C1orf74: variants seen among roughly 807,000 people sequenced by gnomAD.
C1orf74 encodes the protein chromosome 1 open reading frame 74.
Under a neutral mutation model 7.3 loss-of-function variants are expected in C1orf74, and 5 were observed. That is an observed-to-expected ratio of 0.68 (90% CI 0.36 to 1.44). The LOEUF is 1.44. Among genes scored for constraint, C1orf74 ranks in the 40% most tolerant of loss-of-function variants. The pLI is 0.04. For synonymous variants in C1orf74, 121 were observed against 132.5 expected, an observed-to-expected ratio of 0.91 and a Z score of 0.59; for missense variants, 291 against 314.3, an observed-to-expected ratio of 0.93 and a Z score of 0.56.
At chr1:209,784,278 T>G (rs1363665548) in intron 1 of C1orf74, 100 bp downstream of exon 1, 1 of 152,302 alleles carries the variant, frequency 6.6e-6, no homozygotes, top group Admixed American at 6.5e-5. Context: ...CTGTCCGACA[T>G]CAAGGACCCT....
At position 209,782,234 on chromosome 1, in the gene C1orf74, G is replaced by T. The variant is rs551776018; in HGVS notation, c.*591C>A. On this transcript the variant is annotated 3_prime_UTR_variant, in exon 2 of 2. Transcript: ENST00000294811. ...GAAGGTTTGGGTACATTACAGCTTG[G>T]GTTTTCCAACTGACTTAGGATTTCT... 1 of 1,072,010 alleles carries T rather than the reference G, an allele frequency of 9.3e-7. No homozygotes were observed. Among genetic ancestry groups the T allele is most frequent in the African/African-American group, 1.6e-5 (1 of 64,362 alleles). 66.4% of individuals were successfully genotyped at this position (1,072,010 alleles called of 1,614,324 possible).
intron 1 of C1orf74, among the ~76,000 whole-genome samples, chr1:209,783,935 T>C (rs559949478): frequency 1.2e-4 from 19 of 152,250 alleles, no homozygotes; most frequent in South Asian, 1.0e-3. Flanking sequence ...TGGCTTTTAT[T>C]CTAAATTTCA....
Position 209,783,445 on chromosome 1 carries a change from A to C in C1orf74, c.190T>G (p.Ser64Ala). Residue 64 changes from serine to alanine, a missense_variant, in exon 2 of 2, where the codon TCA (serine) becomes GCA (alanine). By Grantham distance (99) the Ser-to-Ala change is moderately conservative. Coordinates refer to ENST00000294811, the MANE Select transcript of C1orf74 (RefSeq NM_152485.4). ...TCCTCCAGATAGCTCTGGAGCTCTG[A>C]TGCCCCTGCACAGTTGCAATCATAG... ...VLYDCNCAGA[S>A]ELQSYLEELK... 6.2e-7 allele frequency: 1 copy of C among 1,614,094 alleles called. No homozygotes were observed. Among genetic ancestry groups the C allele is most frequent in the Non-Finnish European group, 8.5e-7 (1 of 1,180,006 alleles).
Position 209,781,544 on chromosome 1 carries a change from C to A in C1orf74, c.*1281G>T. On this transcript the variant is annotated 3_prime_UTR_variant, in exon 2 of 2. Transcript: ENST00000294811. ...AGTTTTGCACATAAAATATATCAGC[C>A]CACGCCAACAACTGGCCATCCTGTC... 1.0e-6 allele frequency: 1 copy of A among 958,452 alleles called. No homozygotes were observed. Among genetic ancestry groups the A allele is most frequent in the East Asian group, 2.5e-5 (1 of 39,832 alleles). 59.4% of individuals were successfully genotyped at this position (958,452 alleles called of 1,614,324 possible). A position where few individuals can be genotyped will look rare whatever the true frequency, so the allele number is the denominator to read the frequency against.
At position 209,781,223 on chromosome 1, in the gene C1orf74, C is replaced by T; in HGVS notation, c.*1602G>A. Reference sequence around the variant, plus strand: ...GACAAACTCAAATCCCTGAGAATGGCTGGGAAGGGAAGATGGTGGTAAAAA... The same window carrying T: ...GACAAACTCAAATCCCTGAGAATGGTTGGGAAGGGAAGATGGTGGTAAAAA... On this transcript the variant is annotated 3_prime_UTR_variant, in exon 2 of 2. Coordinates refer to ENST00000294811, the MANE Select transcript of C1orf74 (RefSeq NM_152485.4). 1.6e-6 allele frequency: 1 copy of T among 609,114 alleles called. No individual in the cohort carries two copies. The highest frequency in any genetic ancestry group is 3.0e-6 in the Non-Finnish European group (1 of 332,774). The allele number at this position is 609,114 out of a possible 1,614,324, so 37.7% of individuals were successfully genotyped here.
chr1:209,782,118 C>T lies in C1orf74; in HGVS notation c.*707G>A, dbSNP rs544376202. ...TGATTGCTGCAGCACTGGCAGTGTT[C>T]CTGGCCAATAAAGACAACCTGATGA... On this transcript the variant is annotated 3_prime_UTR_variant, in exon 2 of 2. Transcript: ENST00000294811. 6.2e-7 allele frequency: 1 copy of T among 1,614,124 alleles called. No homozygotes were observed. The highest frequency in any genetic ancestry group is 2.2e-5 in the East Asian group (1 of 44,884).
rs1160562568 is a variant in C1orf74, at chr1:209,781,837, T to A, written c.*988A>T. 3.5e-6 allele frequency: 2 copies of A among 567,058 alleles called. No homozygotes were observed. The highest frequency in any genetic ancestry group is 6.3e-6 in the Non-Finnish European group (2 of 316,866). The allele number at this position is 567,058 out of a possible 1,614,324, so 35.1% of individuals were successfully genotyped here. On this transcript the variant is annotated 3_prime_UTR_variant, in exon 2 of 2. Transcript: ENST00000294811. ...CATTATTCATATCAGTATTTATATATCTGGTCCCTGATGGATACGGCTCCC... is the reference window on the plus strand; with the variant it reads ...CATTATTCATATCAGTATTTATATAACTGGTCCCTGATGGATACGGCTCCC...
In C1orf74 at chr1:209,782,526, T is replaced by C. The variant is rs2077802022; in HGVS notation, c.*299A>G. 5 of 487,262 alleles carry C rather than the reference T, an allele frequency of 1.0e-5. No individual in the cohort carries two copies. The highest frequency in any genetic ancestry group is 1.9e-5 in the African/African-American group (1 of 51,690). 30.2% of individuals were successfully genotyped at this position (487,262 alleles called of 1,614,324 possible). A position where few individuals can be genotyped will look rare whatever the true frequency, so the allele number is the denominator to read the frequency against. On this transcript the variant is annotated 3_prime_UTR_variant, in exon 2 of 2. Coordinates refer to ENST00000294811, the MANE Select transcript of C1orf74 (RefSeq NM_152485.4). ...GCAAGAGTGTTTGGCTTGTCTTCCA[T>C]CACCCTGCTTTTCCTCTATCATCTC...
Position 209,780,757 on chromosome 1 carries a change from C to G in C1orf74, c.*2068G>C. ...TACATAAAGTGTCTGTGCTTTTGGG[C>G]TGACTTGTCAATCTTTTCCCTTCCT... On this transcript the variant is annotated 3_prime_UTR_variant, in exon 2 of 2. Transcript: ENST00000294811. 6.3e-6 allele frequency: 4 copies of G among 631,952 alleles called. No individual in the cohort carries two copies. Among genetic ancestry groups the G allele is most frequent in the Non-Finnish European group, 9.2e-6 (4 of 435,738 alleles). The allele number at this position is 631,952 out of a possible 1,614,324, so 39.1% of individuals were successfully genotyped here. A position where few individuals can be genotyped will look rare whatever the true frequency, so the allele number is the denominator to read the frequency against.
Position 209,781,758 on chromosome 1 carries a change from G to A in C1orf74, c.*1067C>T, listed in dbSNP as rs1243898119. The A allele has an allele frequency of 2.0e-6, 1 of 490,022 alleles. No individual in the cohort carries two copies. Among genetic ancestry groups the A allele is most frequent in the Non-Finnish European group, 3.7e-6 (1 of 272,880 alleles). The allele number at this position is 490,022 out of a possible 1,614,324, so 30.4% of individuals were successfully genotyped here. ...GTGGCAAGAACAGAAGGACACAAAA[G>A]TACTGGGGAATACAAAGAAAGAATA... On this transcript the variant is annotated 3_prime_UTR_variant, in exon 2 of 2. Coordinates refer to ENST00000294811, the MANE Select transcript of C1orf74 (RefSeq NM_152485.4).
chr1:209,780,584 A>G lies in C1orf74; in HGVS notation c.*2241T>C. 6.3e-7 allele frequency: 1 copy of G among 1,594,062 alleles called. No individual in the cohort carries two copies. Among genetic ancestry groups the G allele is most frequent in the Non-Finnish European group, 8.6e-7 (1 of 1,168,516 alleles). ...GACCAGCTGCAAAAGAAGACTTTGC[A>G]GCTCCAGGCCAAGGAAAAGGAGGTG... is the stretch of plus-strand genomic sequence containing the variant. On this transcript the variant is annotated 3_prime_UTR_variant, in exon 2 of 2. Coordinates refer to ENST00000294811, the MANE Select transcript of C1orf74 (RefSeq NM_152485.4).
In C1orf74 at chr1:209,783,268, G is replaced by T; in HGVS notation, c.367C>A (p.His123Asn). ...TGGTCCAGGGAGCAGACAGAAGGGTGACGCTGGCAGCTGGAAACATCCACA... is the reference window on the plus strand; with the variant it reads ...TGGTCCAGGGAGCAGACAGAAGGGTTACGCTGGCAGCTGGAAACATCCACA... ...AFVDVSSCQR[H>N]PSVCSLDQLQ... The change falls in exon 2 of 2, where the codon CAC becomes AAC. Residue 123 changes from histidine (H) to asparagine (N), a missense_variant. His to Asn is a moderately conservative substitution (Grantham distance 68, BLOSUM62 1). Transcript: ENST00000294811. 1 of 1,614,226 alleles carries T rather than the reference G, an allele frequency of 6.2e-7. No homozygotes were observed. The highest frequency in any genetic ancestry group is 8.5e-7 in the Non-Finnish European group (1 of 1,180,044).
chr1:209,780,627 A>G lies in C1orf74; in HGVS notation c.*2198T>C. 1.3e-6 allele frequency: 2 copies of G among 1,528,308 alleles called. No homozygotes were observed. The highest frequency in any genetic ancestry group is 1.2e-5 in the South Asian group (1 of 81,374). 94.7% of individuals were successfully genotyped at this position (1,528,308 alleles called of 1,614,324 possible). Reference sequence around the variant, plus strand: ...AGGAGGTGAGAGGGTGACCTGAGATAGTGAGGGCTCATTTGCGAAATAGCA... The same window carrying G: ...AGGAGGTGAGAGGGTGACCTGAGATGGTGAGGGCTCATTTGCGAAATAGCA... On this transcript the variant is annotated 3_prime_UTR_variant, in exon 2 of 2. Transcript: ENST00000294811.
Position 209,779,580 on chromosome 1 carries a change from T to C in C1orf74, c.*3245A>G. ...GCCTTCTATCTTGAGGTATATAAAC[T>C]GTGAAAAAGGGTTTCTATTCTCTCT... is the stretch of plus-strand genomic sequence containing the variant. On this transcript the variant is annotated 3_prime_UTR_variant, in exon 2 of 2. Transcript: ENST00000294811. The C allele has an allele frequency of 1.5e-6, 1 of 681,790 alleles. No individual in the cohort carries two copies. The highest frequency in any genetic ancestry group is 2.4e-5 in the Admixed American group (1 of 42,002). The allele number at this position is 681,790 out of a possible 1,614,324, so 42.2% of individuals were successfully genotyped here. A position where few individuals can be genotyped will look rare whatever the true frequency, so the allele number is the denominator to read the frequency against.
Position 209,779,761 on chromosome 1 carries a change from T to C in C1orf74, c.*3064A>G, listed in dbSNP as rs990331558. The C allele has an allele frequency of 3.9e-6, 2 of 515,472 alleles. No homozygotes were observed. Among genetic ancestry groups the C allele is most frequent in the African/African-American group, 3.8e-5 (2 of 52,118 alleles). The allele number at this position is 515,472 out of a possible 1,614,324, so 31.9% of individuals were successfully genotyped here. A position where few individuals can be genotyped will look rare whatever the true frequency, so the allele number is the denominator to read the frequency against. On this transcript the variant is annotated 3_prime_UTR_variant, in exon 2 of 2. Coordinates refer to ENST00000294811, the MANE Select transcript of C1orf74 (RefSeq NM_152485.4). ...TCAACTCACTGTTAGCCCTAGAGAG[T>C]CTACTGTCCATGTTTCCTGAGAATT... is the stretch of plus-strand genomic sequence containing the variant.
Position 209,782,815 on chromosome 1 carries a change from A to G in C1orf74, c.*10T>C. ...TACTGAGTACCTTCTATATGGGAGG[A>G]GAGTTAAAGTCAGAGGGCCACAGCC... On this transcript the variant is annotated 3_prime_UTR_variant, in exon 2 of 2. Coordinates refer to ENST00000294811, the MANE Select transcript of C1orf74 (RefSeq NM_152485.4). The G allele has an allele frequency of 1.2e-6, 2 of 1,611,376 alleles. No individual in the cohort carries two copies. The highest frequency in any genetic ancestry group is 2.2e-5 in the East Asian group (1 of 44,854).
Position 209,782,087 on chromosome 1 carries a change from T to C in C1orf74, c.*738A>G, listed in dbSNP as rs1304342066. On this transcript the variant is annotated 3_prime_UTR_variant, in exon 2 of 2. Coordinates refer to ENST00000294811, the MANE Select transcript of C1orf74 (RefSeq NM_152485.4). Reference sequence around the variant, plus strand: ...TGTGGGCGATGGCTCCCAGTGCTGATGGTGGTGATTGCTGCAGCACTGGCA... The same window carrying C: ...TGTGGGCGATGGCTCCCAGTGCTGACGGTGGTGATTGCTGCAGCACTGGCA... The C allele has an allele frequency of 3.1e-6, 5 of 1,614,044 alleles. No homozygotes were observed. The highest frequency in any genetic ancestry group is 2.7e-5 in the African/African-American group (2 of 74,912).
chr1:209,783,738 T>G, intron 1 of C1orf74, 29 bp from the exon 2 acceptor site: 1 of 937,706 alleles, frequency 1.1e-6, no homozygotes, highest in South Asian at 1.7e-5. Context: ...CAGGGAATTA[T>G]TAACAGCCTT....
At position 209,783,271 on chromosome 1, in the gene C1orf74, G is replaced by A. The variant is rs1169865383; in HGVS notation, c.364C>T (p.Arg122Cys). The A allele has an allele frequency of 3.7e-6, 6 of 1,614,030 alleles. No homozygotes were observed. The highest frequency in any genetic ancestry group is 1.7e-5 in the Admixed American group (1 of 59,998). ...IAFVDVSSCQRHPSVCSLDQL... is the reference protein window; with the variant it reads ...IAFVDVSSCQCHPSVCSLDQL... Reference sequence around the variant, plus strand: ...TCCAGGGAGCAGACAGAAGGGTGACGCTGGCAGCTGGAAACATCCACAAAG... The same window carrying A: ...TCCAGGGAGCAGACAGAAGGGTGACACTGGCAGCTGGAAACATCCACAAAG... The change falls in exon 2 of 2, where the codon CGT (arginine) becomes TGT (cysteine). Residue 122 changes from arginine (R) to cysteine (C), a missense_variant. Transcript: ENST00000294811.
Sources: gnomAD v4.1 joint callset for allele counts (sites outside exome capture counted in the v4.1 genomes callset) on GRCh38, gnomAD v4.1.1 for gene constraint, MANE v1.5 for transcripts, NCBI Gene and HGNC (gene_info 2026-07-23, HGNC 2026-07-21) for gene names.